Variants in FAM184B observed in about 807,000 individuals in gnomAD.
The protein encoded by FAM184B is family with sequence similarity 184 member B.
FAM184B carries 111 observed loss-of-function variants against 135.9 expected under a neutral mutation model. That is an observed-to-expected ratio of 0.82 (90% CI 0.70 to 0.96). FAM184B has a LOEUF of 0.96. FAM184B is among the 40% of genes least tolerant of loss of function. FAM184B has a pLI of 0.00. For missense variants in FAM184B, 1,375 were observed against 1,323.9 expected (o/e 1.04, Z -0.60); for synonymous variants, 552 against 524.8 (o/e 1.05, Z -0.71).
intron 1 of FAM184B, among the ~76,000 whole-genome samples, chr4:17,768,415 C>G (rs961901263): frequency 2.0e-5 from 3 of 149,410 alleles, no homozygotes; most frequent in African/African-American, 7.7e-5. Context: ...GCTGGGACTA[C>G]AGGCACACCC....
At chr4:17,636,409 G>C (rs1279127962) in intron 15 of FAM184B, 119 bp downstream of exon 15, 3 of 807,568 alleles carry the variant, frequency 3.7e-6, no homozygotes, top group African/African-American at 1.7e-5. Flanking sequence ...GGCAAGAAAG[G>C]ATTCTTTGTA....
chr4:17,747,717 C>G (rs937241700), intron 1 of FAM184B, among the ~76,000 whole-genome samples: 2 of 151,698 alleles, frequency 1.3e-5, no homozygotes, highest in African/African-American at 4.8e-5. Context: ...GTCAGGAGAT[C>G]GAGACCATCC....
At chr4:17,641,214 G>A (rs760099161) in intron 13 of FAM184B, among the ~76,000 whole-genome samples, 21 of 151,708 alleles carry the variant, frequency 1.4e-4, no homozygotes, top group Non-Finnish European at 2.2e-4. Flanking sequence ...TATTACAGGC[G>A]TGAGCTACCA....
intron 6 of FAM184B, among the ~76,000 whole-genome samples, chr4:17,692,244 C>T (rs10939756): frequency 0.6 from 90,305 of 151,352 alleles, 27,533 homozygotes; most frequent in East Asian, 0.87. Flanking sequence ...GGGAGGACAG[C>T]AGGGAAGAAA....
intron 2 of FAM184B, among the ~76,000 whole-genome samples, chr4:17,708,663 CTATATATATATATATA>C (rs60087211): frequency 0.033 from 556 of 16,984 alleles, 30 homozygotes; most frequent in African/African-American, 0.1. Context: ...GGAAACAAAA[CTATATATATATATATA>C]TATATATATA....
At position 17,705,089 on chromosome 4, in the gene FAM184B, T is replaced by TG; in HGVS notation, c.1287_1288insC (p.Lys430GlnfsTer24). On this transcript the variant is annotated frameshift_variant, in exon 5 of 18. Transcript: ENST00000265018. LOFTEE classifies it high-confidence loss of function. The stretch of plus-strand genomic sequence containing the variant: ...TTCTTTACCAAGTCTTCTAGTCGCT[T>TG]CACTAGCTGGTCTTTGAGATGTTTC... The TG allele has an allele frequency of 6.4e-7, 1 of 1,551,792 alleles. No homozygotes were observed. The highest frequency in any genetic ancestry group is 8.7e-7 in the Non-Finnish European group (1 of 1,147,014).
intron 1 of FAM184B, among the ~76,000 whole-genome samples, chr4:17,747,706 G>T (rs949875030): frequency 6.6e-6 from 1 of 151,890 alleles, no homozygotes; most frequent in Non-Finnish European, 1.5e-5. Flanking sequence ...CGGATCATGA[G>T]GTCAGGAGAT....
In FAM184B at chr4:17,765,665, G is replaced by C. The variant is rs574397840; in HGVS notation, c.141+15494C>G. Among the ~76,000 whole-genome samples the C allele has an allele frequency of 4.6e-5, 7 of 152,298 alleles. No individual in the cohort carries two copies. The South Asian group carries it at 6.2e-4, about 14-fold the overall frequency. On this transcript the variant is annotated intron_variant, in intron 1 of 17. Transcript: ENST00000265018. ...GCTGACACTGCCACCTGTTTATTCT[G>C]GTTGTATTTGTTCTTGAAATTATGT...
intron 7 of FAM184B, among the ~76,000 whole-genome samples, chr4:17,668,064 A>T (rs1278958489): frequency 6.6e-6 from 1 of 152,190 alleles, no homozygotes; most frequent in Non-Finnish European, 1.5e-5. Context: ...GTGATGAAGG[A>T]TGCCTGATTC....
intron 1 of FAM184B, among the ~76,000 whole-genome samples, chr4:17,765,359 T>G (rs552685125): frequency 4.7e-4 from 72 of 152,230 alleles, no homozygotes; most frequent in South Asian, 1.2e-3. Context: ...CAAGGAAACG[T>G]CTAGCAAATA....
In FAM184B at chr4:17,642,069, G is replaced by C. The variant is rs1366716059; in HGVS notation, c.2506C>G (p.Arg836Gly). 8 of 1,531,132 alleles carry C rather than the reference G, an allele frequency of 5.2e-6. No homozygotes were observed. The highest frequency in any genetic ancestry group is 6.1e-6 in the Non-Finnish European group (7 of 1,144,868). The allele number at this position is 1,531,132 out of a possible 1,614,324, so 94.8% of individuals were successfully genotyped here. ...EQHQQEAQKL[R>G]DQRRFLEETQ... ...CGGGTCACCCACCTGCGCTGGTCTC[G>C]GAGCTTCTGCGCCTCCTGCTGATGC... Residue 836 changes from arginine (R) to glycine (G), a missense_variant, in exon 13 of 18, where the codon CGA becomes GGA. Transcript: ENST00000265018.
intron 13 of FAM184B, 113 bp downstream of exon 13, chr4:17,641,943 C>T: frequency 2.2e-6 from 3 of 1,392,362 alleles, no homozygotes; most frequent in Non-Finnish European, 1.9e-6. Flanking sequence ...GGCAGGATGC[C>T]GAGGCAGTGA....
At chr4:17,672,795 G>C (rs1189827274) in intron 7 of FAM184B, among the ~76,000 whole-genome samples, 1 of 152,104 alleles carries the variant, frequency 6.6e-6, no homozygotes, top group Non-Finnish European at 1.5e-5. Context: ...TTTTGTTAAG[G>C]ATTTTTAGCA....
At chr4:17,711,053 G>A (rs897352002) in intron 1 of FAM184B, among the ~76,000 whole-genome samples, 41 of 152,150 alleles carry the variant, frequency 2.7e-4, no homozygotes, top group African/African-American at 9.2e-4. Context: ...ATGACCCCAT[G>A]GAGAATCCAG....
In FAM184B at chr4:17,721,992, G is replaced by A. The variant is rs149310186; in HGVS notation, c.142-12348C>T. On this transcript the variant is annotated intron_variant, in intron 1 of 17. Transcript: ENST00000265018. ...AATCGTTGCAGAGAGCAGTCTGGTT[G>A]AGATGCAGGCAGGAAGAAGAGTTAA... Among the ~76,000 whole-genome samples the A allele has an allele frequency of 9.4e-3, 1,437 of 152,312 alleles. 19 individuals carry two copies. The highest frequency in any genetic ancestry group is 0.032 in the African/African-American group (1,315 of 41,560).
At chr4:17,691,968 G>A (rs549496776) in intron 6 of FAM184B, among the ~76,000 whole-genome samples, 57 of 151,740 alleles carry the variant, frequency 3.8e-4, no homozygotes, top group Admixed American at 2.5e-3. Flanking sequence ...CAGGAGAATC[G>A]CTTGAACCCG....
At chr4:17,635,403 G>A (rs1007450734) in intron 15 of FAM184B, among the ~76,000 whole-genome samples, 5 of 151,892 alleles carry the variant, frequency 3.3e-5, no homozygotes, top group African/African-American at 1.2e-4. Flanking sequence ...TAGTAATTAA[G>A]GCAAAGAAAG....
chr4:17,680,504 C>T lies in FAM184B; in HGVS notation c.1596+7920G>A, dbSNP rs186508172. ...AAACAAAACAAAACAAAAACATTGTCCATGTCTCTGAACTCTAAATAAAAC... is the reference window on the plus strand; with the variant it reads ...AAACAAAACAAAACAAAAACATTGTTCATGTCTCTGAACTCTAAATAAAAC... On this transcript the variant is annotated intron_variant, in intron 7 of 17. Coordinates refer to ENST00000265018, the MANE Select transcript of FAM184B (RefSeq NM_015688.2). 2.5e-3 allele frequency among the ~76,000 whole-genome samples: 375 copies of T among 152,248 alleles called. 1 individual carries two copies. The highest frequency in any genetic ancestry group is 4.1e-3 in the Non-Finnish European group (279 of 68,016).
rs1345136381 is a variant in FAM184B at position 17,642,114 on chromosome 4, G to C, written c.2461C>G (p.Leu821Val). Residue 821 changes from leucine to valine, a missense_variant, in exon 13 of 18, where the codon CTG (leucine) becomes GTG (valine). Physicochemically the swap from Leu to Val is conservative, Grantham distance 32 (BLOSUM62 1). Coordinates refer to ENST00000265018, the MANE Select transcript of FAM184B (RefSeq NM_015688.2). The stretch of plus-strand genomic sequence containing the variant: ...TGATGCTGCTCCACCTCCGCGCGCA[G>C]CCGCCGCACCGCGTCCTGGAGCTGC... ...NAQLQDAVRR[L>V]RAEVEQHQQE... 6.5e-7 allele frequency: 1 copy of C among 1,532,908 alleles called. No individual in the cohort carries two copies. Among genetic ancestry groups the C allele is most frequent in the Non-Finnish European group, 8.7e-7 (1 of 1,145,388 alleles). 95.0% of individuals were successfully genotyped at this position (1,532,908 alleles called of 1,614,324 possible).
Sources: gnomAD v4.1 joint callset for allele counts (sites outside exome capture counted in the v4.1 genomes callset) on GRCh38, gnomAD v4.1.1 for gene constraint, MANE v1.5 for transcripts, NCBI Gene and HGNC (gene_info 2026-07-23, HGNC 2026-07-21) for gene names.